Variants in RSPO2 observed in about 807,000 individuals in gnomAD.
RSPO2 encodes R-spondin 2.
Under a neutral mutation model 30.9 loss-of-function variants are expected in RSPO2, and 14 were observed. The observed-to-expected ratio is 0.45, with a 90% CI of 0.30 to 0.71. The LOEUF (loss-of-function observed/expected upper bound fraction) is 0.71. Among genes scored for constraint, RSPO2 ranks in the 30% least tolerant of loss-of-function variants. RSPO2 has a pLI of 0.08. For synonymous variants in RSPO2, 107 were observed against 96.4 expected, an observed-to-expected ratio of 1.11 and a Z score of -0.64; for missense variants, 264 against 301.9, an observed-to-expected ratio of 0.87 and a Z score of 0.93.
chr8:108,056,640 A>AG (rs1398506123), intron 2 of RSPO2, among the ~76,000 whole-genome samples: 3 of 149,538 alleles, frequency 2.0e-5, no homozygotes, highest in Non-Finnish European at 3.0e-5. Context: ...AAAAAAAAAA[A>AG]AAAGAAAAGA....
intron 2 of RSPO2, among the ~76,000 whole-genome samples, chr8:108,074,984 T>A (rs2130731377): frequency 6.6e-6 from 1 of 152,340 alleles, no homozygotes; most frequent in South Asian, 2.1e-4. Flanking sequence ...TATGTCCACA[T>A]AGCTACATTT....
In RSPO2 at chr8:108,022,663, T is replaced by C. The variant is rs187376804; in HGVS notation, c.95-33419A>G. ...TAGTTGTGCTGGGCATGGTGGCTCA[T>C]GCCTGTAATCTCAGCACTTTGGGAG... On this transcript the variant is annotated intron_variant, in intron 2 of 5. Transcript: ENST00000276659. Among the ~76,000 whole-genome samples, 9 of 152,214 alleles carry C rather than the reference T, an allele frequency of 5.9e-5. No individual in the cohort carries two copies. In the East Asian group the frequency reaches 1.7e-3, roughly 29 times the overall value.
chr8:108,017,412 C>G (rs191636743), intron 2 of RSPO2, among the ~76,000 whole-genome samples: 50 of 152,196 alleles, frequency 3.3e-4, no homozygotes, highest in African/African-American at 1.2e-3. Context: ...CAATATAACT[C>G]TACTAGGAGG....
intron 2 of RSPO2, among the ~76,000 whole-genome samples, chr8:108,009,188 T>C (rs1810611293): frequency 6.6e-6 from 1 of 152,200 alleles, no homozygotes; most frequent in African/African-American, 2.4e-5. Context: ...AGAATTGGAA[T>C]TATTGAACTT....
chr8:107,942,422 T>C (rs779855626), intron 5 of RSPO2, among the ~76,000 whole-genome samples: 2 of 152,246 alleles, frequency 1.3e-5, no homozygotes, highest in Non-Finnish European at 2.9e-5. Flanking sequence ...AGTTTCATTA[T>C]ATAAAATTTC....
At chr8:107,941,380 A>G (rs530985855) in intron 5 of RSPO2, among the ~76,000 whole-genome samples, 104 of 152,316 alleles carry the variant, frequency 6.8e-4, no homozygotes, top group African/African-American at 2.4e-3. Flanking sequence ...CTAGATTGCA[A>G]TGATAACAGA....
chr8:108,008,802 A>G (rs528040294), intron 2 of RSPO2, among the ~76,000 whole-genome samples: 1 of 151,706 alleles, frequency 6.6e-6, no homozygotes, highest in Non-Finnish European at 1.5e-5. Context: ...AAAAAAAAAT[A>G]AAGAAAAAGG....
At chr8:108,065,748 G>A (rs750673673) in intron 2 of RSPO2, among the ~76,000 whole-genome samples, 1 of 151,898 alleles carries the variant, frequency 6.6e-6, no homozygotes, top group Non-Finnish European at 1.5e-5. Context: ...GTTAAAGACT[G>A]CACAGCAGGC....
At chr8:108,044,133 T>C (rs769249857) in intron 2 of RSPO2, among the ~76,000 whole-genome samples, 11 of 150,422 alleles carry the variant, frequency 7.3e-5, no homozygotes, top group Non-Finnish European at 1.2e-4. Context: ...ACAGTCAAAA[T>C]ATCACTGATT....
At position 107,960,744 on chromosome 8, in the gene RSPO2, C is replaced by T. The variant is rs780437559; in HGVS notation, c.357G>A (p.Leu119=). 1.9e-6 allele frequency: 3 copies of T among 1,613,256 alleles called. No individual in the cohort carries two copies. Among genetic ancestry groups the T allele is most frequent in the East Asian group, 4.5e-5 (2 of 44,806 alleles). The change falls in exon 4 of 6, where the codon TTG becomes TTA. Residue 119 remains leucine (L), a synonymous_variant. Coordinates refer to ENST00000276659, the MANE Select transcript of RSPO2 (RefSeq NM_178565.5). ...FCTKCKVGFY[L]HRGRCFDECP... is the part of the protein sequence containing the mutation. Reference sequence around the variant, plus strand: ...ATTCATCAAAGCAACGGCCTCTATGCAAATAAAAGCCTACTTTGCACTTGG... The same window carrying T: ...ATTCATCAAAGCAACGGCCTCTATGTAAATAAAAGCCTACTTTGCACTTGG...
chr8:108,067,207 G>T (rs1486746846), intron 2 of RSPO2, among the ~76,000 whole-genome samples: 3 of 152,206 alleles, frequency 2.0e-5, no homozygotes, highest in Non-Finnish European at 4.4e-5. Flanking sequence ...CAATGAGTGG[G>T]TGTTATTTCA....
chr8:108,052,759 A>C (rs926684531), intron 2 of RSPO2, among the ~76,000 whole-genome samples: 1 of 152,246 alleles, frequency 6.6e-6, no homozygotes, highest in African/African-American at 2.4e-5. Context: ...AAACTGAGGT[A>C]TAGAGATATG....
intron 2 of RSPO2, among the ~76,000 whole-genome samples, chr8:108,024,125 A>G (rs1346139786): frequency 9.2e-6 from 1 of 108,150 alleles, no homozygotes; most frequent in African/African-American, 4.4e-5. Context: ...AAAAGAGGGT[A>G]CTTACAAAGA....
At chr8:107,969,043 A>G (rs756496918) in intron 3 of RSPO2, among the ~76,000 whole-genome samples, 12 of 152,108 alleles carry the variant, frequency 7.9e-5, no homozygotes, top group African/African-American at 1.4e-4. Context: ...AGGAACCAGG[A>G]GTTAGGAAAC....
intron 2 of RSPO2, among the ~76,000 whole-genome samples, chr8:108,061,577 A>T (rs866569420): frequency 0.021 from 3,158 of 151,786 alleles, 185 homozygotes; most frequent in African/African-American, 0.072. Flanking sequence ...CTCCCACACA[A>T]TAATAATGGG....
intron 3 of RSPO2, among the ~76,000 whole-genome samples, chr8:107,978,397 A>G (rs113485380): frequency 4.6e-5 from 7 of 152,276 alleles, no homozygotes; most frequent in Non-Finnish European, 1.0e-4. Context: ...ATTGCACTCT[A>G]GCCTGGGCAA....
intron 5 of RSPO2, among the ~76,000 whole-genome samples, chr8:107,911,146 A>G (rs1465739937): frequency 6.6e-6 from 1 of 152,128 alleles, no homozygotes; most frequent in African/African-American, 2.4e-5. Context: ...AGCTTTGTAC[A>G]TGGTCTATGT....
intron 3 of RSPO2, among the ~76,000 whole-genome samples, chr8:107,963,147 A>G (rs529443881): frequency 1.3e-5 from 2 of 152,098 alleles, no homozygotes; most frequent in East Asian, 1.9e-4. Context: ...TATAAATATG[A>G]TATGTTCAAA....
intron 2 of RSPO2, among the ~76,000 whole-genome samples, chr8:108,081,502 A>T (rs1466519864): frequency 6.6e-6 from 1 of 152,222 alleles, no homozygotes; most frequent in East Asian, 1.9e-4. Context: ...GGTCCCTGGG[A>T]AGGGGCTGCT....
Sources: allele counts gnomAD v4.1 joint callset (sites outside exome capture counted in the v4.1 genomes callset), GRCh38; gene constraint gnomAD v4.1.1; transcripts MANE v1.5; gene names NCBI Gene and HGNC (gene_info 2026-07-23, HGNC 2026-07-21).